INSR: variants seen among roughly 807,000 people sequenced by gnomAD.
INSR encodes the protein IR.
A neutral mutation model predicts 142.6 loss-of-function variants in INSR; 67 were observed. The observed-to-expected ratio is 0.47, with a 90% CI of 0.39 to 0.58. The LOEUF (loss-of-function observed/expected upper bound fraction) is 0.58. Ranked by LOEUF, INSR falls within the 20% of genes least tolerant of loss-of-function variation. The pLI is 0.00. For synonymous variants in INSR, 756 were observed against 743.1 expected (o/e 1.02, Z -0.28); for missense variants, 1,248 against 1,833.2 (o/e 0.68, Z 5.83).
intron 2 of INSR, among the ~76,000 whole-genome samples, chr19:7,246,389 A>G (rs1326590035): frequency 6.6e-6 from 1 of 152,190 alleles, no homozygotes; most frequent in Non-Finnish European, 1.5e-5. Flanking sequence ...GCTACAGGGA[A>G]GAAAACCAAG....
chr19:7,233,887 A>C, intron 2 of INSR, among the ~76,000 whole-genome samples: 1 of 151,180 alleles, frequency 6.6e-6, no homozygotes, highest in East Asian at 1.9e-4. Context: ...CATGTTCGCC[A>C]GGATGGTCTC....
chr19:7,177,817 G>A (rs1386460667), intron 3 of INSR, among the ~76,000 whole-genome samples: 1 of 151,008 alleles, frequency 6.6e-6, no homozygotes, highest in Non-Finnish European at 1.5e-5. Flanking sequence ...AAAGTGCTGG[G>A]ATTACAGGTG....
At position 7,143,055 on chromosome 19, in the gene INSR, C is replaced by T; in HGVS notation, c.2303G>A (p.Gly768Glu). The T allele has an allele frequency of 6.2e-7, 1 of 1,614,212 alleles. No homozygotes were observed. The highest frequency in any genetic ancestry group is 8.5e-7 in the Non-Finnish European group (1 of 1,180,050). ...SRKRRSLGDV[G>E]NVTVAVPTVA... is the part of the protein sequence containing the mutation. The stretch of plus-strand genomic sequence containing the variant: ...CGTGGGCACGGCCACCGTCACATTC[C>T]CAACATCGCCAAGGGACCTGCGTTT... Residue 768 changes from glycine (G) to glutamate (E), a missense_variant, in exon 12 of 22, where the codon GGG (glycine) becomes GAG (glutamate). By Grantham distance (98) the Gly-to-Glu change is moderately conservative. Transcript: ENST00000302850.
At chr19:7,153,725 T>G (rs1973513654) in intron 9 of INSR, among the ~76,000 whole-genome samples, 4 of 151,528 alleles carry the variant, frequency 2.6e-5, no homozygotes, top group Non-Finnish European at 5.9e-5. Flanking sequence ...CTCAAAAGAT[T>G]AAAAATATAG....
rs57665258 is a variant in INSR at position 7,136,828 on chromosome 19, C to CATATATATATATATATATAT, written c.2683-4531_2683-4512dup. On this transcript the variant is annotated intron_variant, in intron 13 of 21. Coordinates refer to ENST00000302850, the MANE Select transcript of INSR (RefSeq NM_000208.4). ...ATGTAAAACTTTATTTATTTATTTA[C>CATATATATATATATATATAT]ATATATATATATATATATATTGAGA... 7.5e-3 allele frequency among the ~76,000 whole-genome samples: 1,049 copies of CATATATATATATATATATAT among 139,600 alleles called. 41 individuals carry two copies. Among genetic ancestry groups the CATATATATATATATATATAT allele is most frequent in the African/African-American group, 0.029 (983 of 34,392 alleles). 91.6% of individuals were successfully genotyped at this position (139,600 alleles called of 152,430 possible). A position where few individuals can be genotyped will look rare whatever the true frequency, so the allele number is the denominator to read the frequency against.
intron 2 of INSR, among the ~76,000 whole-genome samples, chr19:7,240,621 A>G (rs1976311025): frequency 6.6e-6 from 1 of 152,138 alleles, no homozygotes; most frequent in African/African-American, 2.4e-5. Context: ...AGATAACCCA[A>G]AATCCAAAAT....
At chr19:7,289,719 C>A (rs1968441269) in intron 1 of INSR, among the ~76,000 whole-genome samples, 1 of 151,944 alleles carries the variant, frequency 6.6e-6, no homozygotes, top group African/African-American at 2.4e-5. Context: ...GATTATTGAA[C>A]AAAGAGAGGA....
In INSR at chr19:7,126,673, C is replaced by T. The variant is rs370185694; in HGVS notation, c.2946-22G>A. On this transcript the variant is annotated intron_variant, in intron 15 of 21. Coordinates refer to ENST00000302850, the MANE Select transcript of INSR (RefSeq NM_000208.4). ...CTGCCTGGAGGAGGAAAACGAGGCACGTTAGCTTGAGATTCTCATGGGACT... is the reference window on the plus strand; with the variant it reads ...CTGCCTGGAGGAGGAAAACGAGGCATGTTAGCTTGAGATTCTCATGGGACT... The T allele has an allele frequency of 2.8e-5, 43 of 1,556,810 alleles. 1 individual carries two copies. The highest frequency in any genetic ancestry group is 1.6e-4 in the African/African-American group (12 of 73,540).
At chr19:7,198,910 TCTCA>T (rs1294388744) in intron 2 of INSR, among the ~76,000 whole-genome samples, 4 of 148,932 alleles carry the variant, frequency 2.7e-5, no homozygotes, top group African/African-American at 1.0e-4. Flanking sequence ...GGGGGGGGGG[TCTCA>T]CTCTGTCGCC....
At chr19:7,245,991 C>A (rs927636755) in intron 2 of INSR, among the ~76,000 whole-genome samples, 7 of 150,992 alleles carry the variant, frequency 4.6e-5, no homozygotes, top group African/African-American at 1.2e-4. Context: ...AATTCCTACT[C>A]AAAAAAAAAT....
chr19:7,153,496 A>ACACTACATG (rs1352385592), intron 9 of INSR, among the ~76,000 whole-genome samples: 8 of 118,872 alleles, frequency 6.7e-5, no homozygotes, highest in South Asian at 2.7e-4. Flanking sequence ...CACCACACAC[A>ACACTACATG]CACACAGTGA....
intron 13 of INSR, among the ~76,000 whole-genome samples, chr19:7,134,489 G>C (rs1039792020): frequency 6.6e-6 from 1 of 151,304 alleles, no homozygotes; most frequent in Admixed American, 6.6e-5. Context: ...GTTGAAGCCC[G>C]GGCACGGTGG....
chr19:7,205,615 G>C (rs917211758), intron 2 of INSR, among the ~76,000 whole-genome samples: 9 of 152,126 alleles, frequency 5.9e-5, no homozygotes, highest in African/African-American at 2.2e-4. Context: ...TCTCATGCCT[G>C]TAATCCCGAT....
At chr19:7,240,499 G>A (rs1036301244) in intron 2 of INSR, among the ~76,000 whole-genome samples, 2 of 152,214 alleles carry the variant, frequency 1.3e-5, no homozygotes, top group Non-Finnish European at 2.9e-5. Flanking sequence ...TTGAGGCAAG[G>A]CGGAGGTTGC....
intron 9 of INSR, 34 bp from the exon 10 acceptor site, chr19:7,152,961 C>T (rs1466315162): frequency 1.3e-6 from 2 of 1,541,438 alleles, no homozygotes; most frequent in Non-Finnish European, 1.8e-6. Context: ...GGGCTCAAGT[C>T]TCTGCGGCTG....
intron 2 of INSR, among the ~76,000 whole-genome samples, chr19:7,260,142 T>G (rs7249200): frequency 0.045 from 6,846 of 152,274 alleles, 486 homozygotes; most frequent in African/African-American, 0.15. Flanking sequence ...TGCATTTAAA[T>G]ACGTGATATT....
At position 7,122,629 on chromosome 19, in the gene INSR, TA is replaced by T. The variant is rs1254231744; in HGVS notation, c.3513del (p.Phe1171LeufsTer10). ...CCAGACGAACCTCCAATTTTGACAGTAAAATCATGGGCGACCATGCAGTTTC... is the reference window on the plus strand; with the variant it reads ...CCAGACGAACCTCCAATTTTGACAGTAAATCATGGGCGACCATGCAGTTTC... ...AARNCMVAHD[F>X]TVKIGDFGMT... On this transcript the variant is annotated frameshift_variant, in exon 19 of 22. Coordinates refer to ENST00000302850, the MANE Select transcript of INSR (RefSeq NM_000208.4). LOFTEE classifies it high-confidence loss of function. The T allele has an allele frequency of 6.2e-7, 1 of 1,614,128 alleles. No individual in the cohort carries two copies.
At chr19:7,198,946 T>C (rs1703999325) in intron 2 of INSR, among the ~76,000 whole-genome samples, 1 of 151,626 alleles carries the variant, frequency 6.6e-6, no homozygotes, top group Non-Finnish European at 1.5e-5. Flanking sequence ...TGCAGTGGTG[T>C]GATCATCGCC....
intron 5 of INSR, among the ~76,000 whole-genome samples, chr19:7,172,031 C>T (rs1974026538): frequency 6.6e-6 from 1 of 151,708 alleles, no homozygotes; most frequent in African/African-American, 2.4e-5. Context: ...CCTGCCTCAG[C>T]CTCCCAAGTA....
Sources: allele counts gnomAD v4.1 joint callset (sites outside exome capture counted in the v4.1 genomes callset), GRCh38; gene constraint gnomAD v4.1.1; transcripts MANE v1.5; gene names NCBI Gene and HGNC (gene_info 2026-07-23, HGNC 2026-07-21).